The following TMEM71 variants were observed in gnomAD, a reference collection of about 807,000 sequenced individuals.
TMEM71 encodes the protein transmembrane protein 71.
In TMEM71, 44 loss-of-function variants were observed where a neutral mutation model predicts 38.0. The ratio of observed to expected loss-of-function variants is 1.16; its 90% CI spans 0.91 to 1.49. TMEM71 has a LOEUF of 1.49. TMEM71 is among the 40% of genes most tolerant of loss of function. TMEM71 has a pLI of 0.00. For synonymous variants in TMEM71, 133 were observed against 122.5 expected, an observed-to-expected ratio of 1.09 and a Z score of -0.56; for missense variants, 367 against 348.6, an observed-to-expected ratio of 1.05 and a Z score of -0.42.
the TMEM71 span, among the ~76,000 whole-genome samples, chr8:132,767,262 C>A: frequency 6.6e-6 from 1 of 152,144 alleles, no homozygotes; most frequent in African/African-American, 2.4e-5. Flanking sequence ...GCAGAGCAAC[C>A]TTCTCAACTT....
intron 5 of TMEM71, among the ~76,000 whole-genome samples, chr8:132,739,113 T>C (rs991728307): frequency 1.3e-5 from 2 of 152,236 alleles, no homozygotes; most frequent in Admixed American, 6.5e-5. Context: ...AGAAAAATCA[T>C]AGCCATGTAA....
At chr8:132,731,769 T>C (rs979835169) in intron 5 of TMEM71, among the ~76,000 whole-genome samples, 2 of 152,224 alleles carry the variant, frequency 1.3e-5, no homozygotes, top group Non-Finnish European at 2.9e-5. Context: ...TTTTACCATG[T>C]AGTAGGAACT....
Position 132,751,961 on chromosome 8 carries a change from A to C in TMEM71, c.138T>G (p.Phe46Leu). 3.1e-6 allele frequency: 5 copies of C among 1,614,130 alleles called. No homozygotes were observed. Among genetic ancestry groups the C allele is most frequent in the Non-Finnish European group, 4.2e-6 (5 of 1,180,026 alleles). Reference sequence around the variant, plus strand: ...TCAGGGGATCTATGGAGCCGCATTCAAAAGAATGGTAACCATCCAGGGAAT... The same window carrying C: ...TCAGGGGATCTATGGAGCCGCATTCCAAAGAATGGTAACCATCCAGGGAAT... ...TCDSLDGYHSFECGSIDPLTG... is the reference protein window; with the variant it reads ...TCDSLDGYHSLECGSIDPLTG... Residue 46 changes from phenylalanine to leucine, a missense_variant, in exon 4 of 10, where the codon TTT (phenylalanine) becomes TTG (leucine). Coordinates refer to ENST00000677595, the MANE Select transcript of TMEM71 (RefSeq NM_001382403.1).
chr8:132,744,706 G>T (rs890995318), intron 5 of TMEM71, among the ~76,000 whole-genome samples: 4 of 152,080 alleles, frequency 2.6e-5, no homozygotes, highest in African/African-American at 9.7e-5. Flanking sequence ...TACCAAAAAA[G>T]AATTTGAATA....
chr8:132,728,012 G>A, intron 5 of TMEM71, 26 bp from the exon 6 acceptor site: 1 of 1,501,186 alleles, frequency 6.7e-7, no homozygotes, highest in Non-Finnish European at 8.9e-7. Flanking sequence ...GGTTCAGTGT[G>A]AGTGTGTGTG....
At chr8:132,711,535 AAG>A (rs1264403051) in intron 9 of TMEM71, among the ~76,000 whole-genome samples, 8 of 152,278 alleles carry the variant, frequency 5.3e-5, no homozygotes, top group African/African-American at 1.9e-4. Context: ...TCCTTCATTT[AAG>A]AGAGAACAGA....
chr8:132,756,165 T>TA (rs927848471), intron 3 of TMEM71, among the ~76,000 whole-genome samples: 1 of 151,712 alleles, frequency 6.6e-6, no homozygotes, highest in African/African-American at 2.4e-5. Flanking sequence ...AGAGAGTCAT[T>TA]AAAAAAAGAA....
chr8:132,746,805 G>T, intron 5 of TMEM71, 137 bp downstream of exon 5: 1 of 616,954 alleles, frequency 1.6e-6, no homozygotes, highest in African/African-American at 1.9e-5. Context: ...AGAACTTTAA[G>T]TGAATTTTAA....
the TMEM71 span, among the ~76,000 whole-genome samples, chr8:132,765,934 AC>A: frequency 6.6e-6 from 1 of 151,808 alleles, no homozygotes; most frequent in Non-Finnish European, 1.5e-5. Context: ...GATTACAGGC[AC>A]CCGCCACCAG....
At chr8:132,727,368 T>A (rs1188328416) in intron 6 of TMEM71, among the ~76,000 whole-genome samples, 4 of 151,802 alleles carry the variant, frequency 2.6e-5, no homozygotes, top group Non-Finnish European at 2.9e-5. Context: ...GCAATTCTCC[T>A]GCCTCAGCCT....
chr8:132,759,819 A>G (rs528621590), intron 1 of TMEM71, among the ~76,000 whole-genome samples: 236 of 152,326 alleles, frequency 1.5e-3, no homozygotes, highest in Non-Finnish European at 2.9e-3. Flanking sequence ...TAAATTATAT[A>G]TAAACCCTAT....
At chr8:132,717,649 G>A (rs1826606555) in intron 7 of TMEM71, among the ~76,000 whole-genome samples, 1 of 152,196 alleles carries the variant, frequency 6.6e-6, no homozygotes. Flanking sequence ...GGGGGTGGGA[G>A]TGTAAGATGG....
At chr8:132,721,973 A>G in intron 7 of TMEM71, 67 bp downstream of exon 7, 1 of 1,351,738 alleles carries the variant, frequency 7.4e-7, no homozygotes, top group Non-Finnish European at 1.1e-6. Flanking sequence ...AAGGCAAGGA[A>G]ATCATCAATC....
chr8:132,747,809 A>G (rs1322612753), intron 4 of TMEM71, among the ~76,000 whole-genome samples: 1 of 152,214 alleles, frequency 6.6e-6, no homozygotes, highest in African/African-American at 2.4e-5. Flanking sequence ...CTGGACAGGT[A>G]AAAGGAAGGT....
intron 5 of TMEM71, among the ~76,000 whole-genome samples, chr8:132,734,786 C>A (rs1827653852): frequency 6.6e-6 from 1 of 152,054 alleles, no homozygotes. Context: ...AATATTTTAC[C>A]AAATAGCTCT....
At chr8:132,730,952 C>T (rs181320202) in intron 5 of TMEM71, among the ~76,000 whole-genome samples, 2 of 152,166 alleles carry the variant, frequency 1.3e-5, no homozygotes, top group East Asian at 1.9e-4. Context: ...ATAAAGAAGG[C>T]ATCACTTATG....
In TMEM71 at chr8:132,751,881, T is replaced by A. The variant is rs748538516; in HGVS notation, c.218A>T (p.Tyr73Phe). 2 of 1,613,940 alleles carry A rather than the reference T, an allele frequency of 1.2e-6. No homozygotes were observed. Among genetic ancestry groups the A allele is most frequent in the African/African-American group, 2.7e-5 (2 of 74,920 alleles). The change falls in exon 4 of 10, where the codon TAT becomes TTT. Residue 73 changes from tyrosine (Y) to phenylalanine (F), a missense_variant. By Grantham distance (22) the Tyr-to-Phe change is conservative (BLOSUM62 3). Transcript: ENST00000677595. Reference sequence around the variant, plus strand: ...CAGGAAGCTGTCTTCAGTCCAAATATAGTAGCCATTGGTGAGGAGTCTGGG... The same window carrying A: ...CAGGAAGCTGTCTTCAGTCCAAATAAAGTAGCCATTGGTGAGGAGTCTGGG... Reference protein sequence around the residue: ...RSPRLLTNGYYIWTEDSFLCD... With the variant: ...RSPRLLTNGYFIWTEDSFLCD...
chr8:132,763,699 T>TC (rs1362401065), upstream of TMEM71, among the ~76,000 whole-genome samples: 1 of 152,190 alleles, frequency 6.6e-6, no homozygotes, highest in Non-Finnish European at 1.5e-5. Flanking sequence ...ACATAATATC[T>TC]CCCAAGACCC....
At chr8:132,759,092 C>T (rs538882836) in intron 1 of TMEM71, among the ~76,000 whole-genome samples, 177 bp from the exon 2 acceptor site, 20 of 152,314 alleles carry the variant, frequency 1.3e-4, no homozygotes, top group African/African-American at 4.8e-4. Context: ...TTGTGTCTGC[C>T]TCTATGACTG....
Sources: allele counts gnomAD v4.1 joint callset (sites outside exome capture counted in the v4.1 genomes callset), GRCh38; gene constraint gnomAD v4.1.1; transcripts MANE v1.5; gene names NCBI Gene and HGNC (gene_info 2026-07-23, HGNC 2026-07-21).